Variants in GUCY1A2 observed in about 807,000 individuals in gnomAD.
GUCY1A2 encodes guanylate cyclase soluble subunit alpha-2.
Under a neutral mutation model 63.5 loss-of-function variants are expected in GUCY1A2, and 27 were observed. The observed-to-expected ratio is 0.43, with a 90% CI of 0.31 to 0.59. The LOEUF (loss-of-function observed/expected upper bound fraction) is 0.59, where lower values mean the gene tolerates loss of function less well. Among genes scored for constraint, GUCY1A2 ranks in the 20% least tolerant of loss-of-function variants. GUCY1A2 has a pLI of 0.11. For missense variants in GUCY1A2, 768 were observed against 913.3 expected, an observed-to-expected ratio of 0.84 and a Z score of 2.05; for synonymous variants, 364 against 343.5, an observed-to-expected ratio of 1.06 and a Z score of -0.66.
At chr11:106,743,396 A>G (rs1591258096) in intron 6 of GUCY1A2, among the ~76,000 whole-genome samples, 1 of 152,220 alleles carries the variant, frequency 6.6e-6, no homozygotes, top group African/African-American at 2.4e-5. Context: ...AGTGGTGATA[A>G]TGATGAGAAG....
At chr11:106,956,891 A>AG (rs1204886671) in intron 3 of GUCY1A2, among the ~76,000 whole-genome samples, 1 of 152,168 alleles carries the variant, frequency 6.6e-6, no homozygotes, top group Non-Finnish European at 1.5e-5. Flanking sequence ...GGAGACAGCA[A>AG]GTCTGCTGGT....
intron 6 of GUCY1A2, among the ~76,000 whole-genome samples, chr11:106,725,152 CTTTTTTTTTTTTTTTTTTTTTTTTT>C (rs773251118): frequency 4.3e-5 from 1 of 22,998 alleles, no homozygotes; most frequent in East Asian, 1.5e-3. Context: ...GACATAAATT[CTTTTTTTTTTTTTTTTTTTTTTTTT>C]TTTTTTTTTT....
chr11:106,862,003 T>A (rs1443439840), intron 4 of GUCY1A2, among the ~76,000 whole-genome samples: 1 of 152,040 alleles, frequency 6.6e-6, no homozygotes. Flanking sequence ...TAGAGAAATC[T>A]GTACCTAAAG....
intron 1 of GUCY1A2, among the ~76,000 whole-genome samples, chr11:106,987,557 C>T (rs188193694): frequency 3.3e-5 from 5 of 150,274 alleles, no homozygotes; most frequent in African/African-American, 9.8e-5. Flanking sequence ...GAGGCTGAGG[C>T]ATAAGAATTG....
chr11:106,977,111 A>G (rs1861273046), intron 3 of GUCY1A2, among the ~76,000 whole-genome samples: 1 of 152,212 alleles, frequency 6.6e-6, no homozygotes, highest in Non-Finnish European at 1.5e-5. Flanking sequence ...AGGGTCAGGA[A>G]AGTGTTTAGA....
chr11:106,809,056 C>T (rs532932418), intron 5 of GUCY1A2, among the ~76,000 whole-genome samples: 2 of 152,148 alleles, frequency 1.3e-5, no homozygotes, highest in African/African-American at 4.8e-5. Context: ...CCCAAGAAGA[C>T]ACACCTTCAT....
At chr11:106,892,573 C>A (rs1474632985) in intron 4 of GUCY1A2, among the ~76,000 whole-genome samples, 1 of 152,108 alleles carries the variant, frequency 6.6e-6, no homozygotes, top group African/African-American at 2.4e-5. Context: ...AGTTAGCTAG[C>A]CCTAGCGTCG....
chr11:106,723,142 A>C (rs1372452903), intron 6 of GUCY1A2, among the ~76,000 whole-genome samples: 2 of 152,110 alleles, frequency 1.3e-5, no homozygotes, highest in Non-Finnish European at 2.9e-5. Flanking sequence ...CTGTGCCCCA[A>C]CACTTCTCTT....
At chr11:106,745,310 C>T (rs751642522) in intron 6 of GUCY1A2, among the ~76,000 whole-genome samples, 2 of 152,168 alleles carry the variant, frequency 1.3e-5, no homozygotes, top group Non-Finnish European at 2.9e-5. Context: ...TGGACACACA[C>T]CCACACACTC....
rs1426731653 is a variant in GUCY1A2 at position 107,017,872 on chromosome 11, T to TCGGGGC, written c.178_183dup (p.Ala60_Pro61dup). 21 of 1,248,470 alleles carry TCGGGGC rather than the reference T, an allele frequency of 1.7e-5. No individual in the cohort carries two copies. The highest frequency in any genetic ancestry group is 2.0e-5 in the Non-Finnish European group (20 of 995,160). 77.3% of individuals were successfully genotyped at this position (1,248,470 alleles called of 1,614,324 possible). A position where few individuals can be genotyped will look rare whatever the true frequency, so the allele number is the denominator to read the frequency against. The stretch of plus-strand genomic sequence containing the variant: ...GCGGCGGCGGCAGAAGCAGCCGGGG[T>TCGGGGC]CGGGGCCGGGGCGGCGGCAGCGGCA... On this transcript the variant is annotated inframe_insertion, in exon 1 of 8. Coordinates refer to ENST00000526355, the MANE Select transcript of GUCY1A2 (RefSeq NM_000855.3).
intron 3 of GUCY1A2, among the ~76,000 whole-genome samples, chr11:106,966,151 A>G (rs1305324650): frequency 6.6e-6 from 1 of 152,030 alleles, no homozygotes; most frequent in Non-Finnish European, 1.5e-5. Flanking sequence ...TCTGTTGCCA[A>G]GGCTGGAGTG....
At chr11:106,985,663 C>G (rs918524705) in intron 2 of GUCY1A2, among the ~76,000 whole-genome samples, 14 of 152,176 alleles carry the variant, frequency 9.2e-5, no homozygotes, top group African/African-American at 3.4e-4. Flanking sequence ...ACTAATTCCT[C>G]TCACTGAACT....
chr11:106,851,571 T>A (rs983732442), intron 4 of GUCY1A2, among the ~76,000 whole-genome samples: 1 of 152,030 alleles, frequency 6.6e-6, no homozygotes, highest in African/African-American at 2.4e-5. Flanking sequence ...TGCATATGGA[T>A]ATCCAGTTTT....
At position 106,717,811 on chromosome 11, in the gene GUCY1A2, T is replaced by G. The variant is rs553484283; in HGVS notation, c.1837-9145A>C. On this transcript the variant is annotated intron_variant, in intron 6 of 7. Transcript: ENST00000526355. ...TCATAAAGTTTTATTAAATACTCCT[T>G]TAATAAAATTAGGTAAGTAAAATTT... Among the ~76,000 whole-genome samples, 3 of 152,312 alleles carry G rather than the reference T, an allele frequency of 2.0e-5. No individual in the cohort carries two copies. In the East Asian group the frequency reaches 5.8e-4, roughly 29 times the overall value.
intron 5 of GUCY1A2, among the ~76,000 whole-genome samples, chr11:106,784,824 C>CGTACTTGT (rs146013970): frequency 0.045 from 6,801 of 152,154 alleles, 145 homozygotes; most frequent in East Asian, 0.091. Context: ...GCTGGAGCTC[C>CGTACTTGT]GTACTTGTCC....
At chr11:107,014,482 C>T (rs1385189531) in intron 1 of GUCY1A2, among the ~76,000 whole-genome samples, 6 of 152,146 alleles carry the variant, frequency 3.9e-5, no homozygotes, top group Admixed American at 3.9e-4. Flanking sequence ...GTAAGTTTCT[C>T]ATTGTTCAAG....
At chr11:106,834,418 C>G (rs1344284905) in intron 4 of GUCY1A2, among the ~76,000 whole-genome samples, 2 of 151,890 alleles carry the variant, frequency 1.3e-5, no homozygotes, top group East Asian at 1.9e-4. Context: ...CACAAAGTAG[C>G]AAGAATCAGT....
chr11:106,783,442 T>A (rs1198731911), intron 5 of GUCY1A2, among the ~76,000 whole-genome samples: 1 of 151,952 alleles, frequency 6.6e-6, no homozygotes, highest in African/African-American at 2.4e-5. Context: ...AGTATCTCCA[T>A]GGGCTGCCCT....
chr11:106,861,033 G>A (rs1342351901), intron 4 of GUCY1A2, among the ~76,000 whole-genome samples: 1 of 151,924 alleles, frequency 6.6e-6, no homozygotes, highest in Non-Finnish European at 1.5e-5. Flanking sequence ...TGAAGAGGAA[G>A]GAGGCAACTT....
Sources: gnomAD v4.1 joint callset for allele counts (sites outside exome capture counted in the v4.1 genomes callset) on GRCh38, gnomAD v4.1.1 for gene constraint, MANE v1.5 for transcripts, NCBI Gene and HGNC (gene_info 2026-07-23, HGNC 2026-07-21) for gene names.